Variants in SLC25A20 observed in about 807,000 individuals in gnomAD.
SLC25A20 encodes the protein solute carrier family 25 member 20, also known as mitochondrial carnitine/acylcarnitine carrier protein.
Under a neutral mutation model 39.7 loss-of-function variants are expected in SLC25A20, and 29 were observed. The ratio of observed to expected loss-of-function variants is 0.73; its 90% CI spans 0.54 to 1.00. The LOEUF (loss-of-function observed/expected upper bound fraction) is 1.00. SLC25A20 is among the 50% of genes least tolerant of loss of function. SLC25A20 has a pLI of 0.00. For missense variants in SLC25A20, 333 were observed against 379.9 expected (o/e 0.88, Z 1.03); for synonymous variants, 103 against 142.2 (o/e 0.72, Z 1.96).
intron 4 of SLC25A20, among the ~76,000 whole-genome samples, chr3:48,871,756 G>A (rs1311211730): frequency 4.0e-5 from 5 of 125,538 alleles, no homozygotes; most frequent in Admixed American, 1.8e-4. Context: ...AACAAAGAGC[G>A]AAACTCCATC....
In SLC25A20 at chr3:48,857,353, G is replaced by A. The variant is rs78776342; in HGVS notation, c.*357C>T. On this transcript the variant is annotated 3_prime_UTR_variant, in exon 9 of 9. Transcript: ENST00000319017. ...AAAATATGCACAGTGCCTCCAGTGAGAACCTGAGATTCTCTCTTTAATGAG... is the reference window on the plus strand; with the variant it reads ...AAAATATGCACAGTGCCTCCAGTGAAAACCTGAGATTCTCTCTTTAATGAG... 269 of 305,112 alleles carry A rather than the reference G, an allele frequency of 8.8e-4. 4 individuals are homozygous for A. The East Asian group carries it at 0.021, about 24-fold the overall frequency. 18.9% of individuals were successfully genotyped at this position (305,112 alleles called of 1,614,324 possible).
chr3:48,895,210 G>A (rs1244362082), intron 1 of SLC25A20, among the ~76,000 whole-genome samples: 4 of 152,202 alleles, frequency 2.6e-5, no homozygotes, highest in Admixed American at 2.0e-4. Context: ...ATTTCTCCAC[G>A]TTGCTCAGGT....
intron 3 of SLC25A20, among the ~76,000 whole-genome samples, chr3:48,881,225 C>T (rs1021949925): frequency 2.6e-5 from 4 of 152,192 alleles, no homozygotes; most frequent in African/African-American, 4.8e-5. Flanking sequence ...GACTGTCAAA[C>T]AGTCAAGAGA....
chr3:48,876,969 G>C (rs938670833), intron 4 of SLC25A20, among the ~76,000 whole-genome samples: 1 of 151,766 alleles, frequency 6.6e-6, no homozygotes, highest in Admixed American at 6.6e-5. Flanking sequence ...GGTGGTGGGC[G>C]CCTGTAGTCC....
chr3:48,862,562 G>GTCCCT lies in SLC25A20; in HGVS notation c.510_514dup (p.Thr172LysfsTer19). Reference sequence around the variant, plus strand: ...GTTACCTCGCATAAGGGTAAGCACAGTCCCTTTGTAGATGCCTCGGATCCC... The same window carrying GTCCCT: ...GTTACCTCGCATAAGGGTAAGCACAGTCCCTTCCCTTTGTAGATGCCTCGGATCCC... On this transcript the variant is annotated frameshift_variant, in exon 5 of 9. Transcript: ENST00000319017. LOFTEE classifies it high-confidence loss of function. 2 of 1,613,136 alleles carry GTCCCT rather than the reference G, an allele frequency of 1.2e-6. No homozygotes were observed. Among genetic ancestry groups the GTCCCT allele is most frequent in the Non-Finnish European group, 1.7e-6 (2 of 1,179,080 alleles).
Position 48,891,981 on chromosome 3 carries a change from T to C in SLC25A20, c.197A>G (p.Glu66Gly). ...GAATGCCCAGCACCATATACCAACCTCTCTAAAAAGAGTCTTCCGGAAACA... is the reference window on the plus strand; with the variant it reads ...GAATGCCCAGCACCATATACCAACCCCTCTAAAAAGAGTCTTCCGGAAACA... ...FDCFRKTLFR[E>G]GITGLYRGMA... Residue 66 changes from glutamate (E) to glycine (G), a missense_variant and splice_region_variant, in exon 2 of 9, where the codon GAG (glutamate) becomes GGG (glycine). Transcript: ENST00000319017. 2 of 1,611,762 alleles carry C rather than the reference T, an allele frequency of 1.2e-6. No individual in the cohort carries two copies. The highest frequency in any genetic ancestry group is 1.7e-6 in the Non-Finnish European group (2 of 1,178,086).
At chr3:48,863,821 C>G (rs907630824) in intron 4 of SLC25A20, among the ~76,000 whole-genome samples, 7 of 149,836 alleles carry the variant, frequency 4.7e-5, no homozygotes, top group African/African-American at 1.2e-4. Flanking sequence ...TTGAGACCAG[C>G]CTGACCAACA....
chr3:48,859,139 C>T lies in SLC25A20; in HGVS notation c.671G>A (p.Trp224Ter). The change falls in exon 7 of 9, where the codon TGG becomes TAG. Residue 224 changes from tryptophan (W) to a stop codon, truncating the protein, a stop_gained. Coordinates refer to ENST00000319017, the MANE Select transcript of SLC25A20 (RefSeq NM_000387.6). LOFTEE classifies it high-confidence loss of function. ...CACATCTGGGGGGATTGCCACAGCCCAGTTGAAGATCCCTGCAATGCCCCC... is the reference window on the plus strand; with the variant it reads ...CACATCTGGGGGGATTGCCACAGCCTAGTTGAAGATCCCTGCAATGCCCCC... ...VAGGIAGIFN[W>*]AVAIPPDVLK... The T allele has an allele frequency of 6.2e-7, 1 of 1,614,060 alleles. No homozygotes were observed. Among genetic ancestry groups the T allele is most frequent in the Non-Finnish European group, 8.5e-7 (1 of 1,180,004 alleles).
intron 1 of SLC25A20, among the ~76,000 whole-genome samples, chr3:48,894,802 T>C (rs919073065): frequency 2.0e-5 from 3 of 152,100 alleles, no homozygotes; most frequent in Non-Finnish European, 2.9e-5. Flanking sequence ...TTCTGCAGTC[T>C]TTTTCCTGAA....
At chr3:48,887,962 G>A (rs1410252701) in intron 2 of SLC25A20, among the ~76,000 whole-genome samples, 2 of 151,528 alleles carry the variant, frequency 1.3e-5, no homozygotes, top group Non-Finnish European at 2.9e-5. Context: ...TAATTCCAGC[G>A]CTTTGGGAGG....
chr3:48,893,767 C>T (rs2083893468), intron 1 of SLC25A20, among the ~76,000 whole-genome samples: 2 of 145,954 alleles, frequency 1.4e-5, no homozygotes, highest in African/African-American at 2.5e-5. Context: ...TGGACTCATA[C>T]AATCTGCCTG....
At chr3:48,894,909 C>T (rs1197618413) in intron 1 of SLC25A20, among the ~76,000 whole-genome samples, 1 of 152,200 alleles carries the variant, frequency 6.6e-6, no homozygotes, top group African/African-American at 2.4e-5. Flanking sequence ...CCTCTGCCTC[C>T]CAGGTTCAAG....
intron 3 of SLC25A20, 135 bp downstream of exon 3, chr3:48,883,862 G>C: frequency 9.6e-7 from 1 of 1,038,118 alleles, no homozygotes; most frequent in East Asian, 2.9e-5. Context: ...GACCTCAGGT[G>C]ATCCACCCGC....
At chr3:48,893,272 G>A (rs1261208919) in intron 1 of SLC25A20, among the ~76,000 whole-genome samples, 1 of 151,876 alleles carries the variant, frequency 6.6e-6, no homozygotes, top group Non-Finnish European at 1.5e-5. Flanking sequence ...ATCATATTGG[G>A]TATGAGGTGG....
intron 1 of SLC25A20, chr3:48,895,654 T>C: frequency 6.3e-6 from 2 of 318,188 alleles, no homozygotes; most frequent in Non-Finnish European, 1.3e-5. Context: ...TGTCAGGGCC[T>C]TCCATATCAA....
At chr3:48,888,336 C>T (rs1038567541) in intron 2 of SLC25A20, among the ~76,000 whole-genome samples, 15 of 151,708 alleles carry the variant, frequency 9.9e-5, no homozygotes, top group Non-Finnish European at 1.6e-4. Context: ...CTTTGGGAGG[C>T]TGAGGCGGGC....
At chr3:48,860,610 AAAT>A (rs1401881847) in intron 5 of SLC25A20, among the ~76,000 whole-genome samples, 2 of 151,508 alleles carry the variant, frequency 1.3e-5, no homozygotes, top group African/African-American at 2.4e-5. Context: ...TCTCAAAAAA[AAAT>A]AATAATAATA....
chr3:48,888,746 A>C (rs1294892589), intron 2 of SLC25A20, among the ~76,000 whole-genome samples: 1 of 152,016 alleles, frequency 6.6e-6, no homozygotes, highest in African/African-American at 2.4e-5. Context: ...CTGTATATTT[A>C]ATCAAGGCTA....
At chr3:48,865,772 CAAA>C (rs1202666164) in intron 4 of SLC25A20, among the ~76,000 whole-genome samples, 3 of 78,090 alleles carry the variant, frequency 3.8e-5, no homozygotes, top group Non-Finnish European at 2.7e-5. Flanking sequence ...CTGTCTCAAA[CAAA>C]AAAAAAAAAA....
Sources: gnomAD v4.1 joint callset for allele counts (sites outside exome capture counted in the v4.1 genomes callset) on GRCh38, gnomAD v4.1.1 for gene constraint, MANE v1.5 for transcripts, NCBI Gene and HGNC (gene_info 2026-07-23, HGNC 2026-07-21) for gene names.